STK33: variants seen among roughly 807,000 people sequenced by gnomAD.
STK33 encodes the protein serine/threonine kinase 33.
Under a neutral mutation model 58.0 loss-of-function variants are expected in STK33, and 52 were observed. The observed-to-expected ratio is 0.90, with a 90% confidence interval of 0.72 to 1.13. The LOEUF (loss-of-function observed/expected upper bound fraction) is 1.13. STK33 is among the 50% of genes most tolerant of loss of function. The pLI is 0.00. For missense variants in STK33, 630 were observed against 604.2 expected (o/e 1.04, Z -0.45); for synonymous variants, 215 against 200.1 (o/e 1.07, Z -0.63).
intron 2 of STK33, among the ~76,000 whole-genome samples, chr11:8,479,789 G>C (rs1226401996): frequency 6.6e-6 from 1 of 152,138 alleles, no homozygotes; most frequent in Non-Finnish European, 1.5e-5. Context: ...GTTGCAGTGA[G>C]CTGAGATCGC....
chr11:8,581,967 A>G (rs1190167439), intron 1 of STK33, among the ~76,000 whole-genome samples: 2 of 152,226 alleles, frequency 1.3e-5, no homozygotes, highest in Non-Finnish European at 2.9e-5. Flanking sequence ...GCACTCAACA[A>G]TCCAGTTATT....
chr11:8,362,982 C>G, the STK33 span, among the ~76,000 whole-genome samples: 41,136 of 151,284 alleles, frequency 0.27, 6,768 homozygotes, highest in East Asian at 0.45. Context: ...GACAGGGTCA[C>G]GCACTGCACA....
At chr11:8,465,042 C>A in intron 6 of STK33, 2 of 325,120 alleles carry the variant, frequency 6.2e-6, no homozygotes, top group South Asian at 8.4e-5. Context: ...TGGAGGAAAA[C>A]CATAAAAATC....
At chr11:8,432,280 T>C (rs1223569116) in intron 14 of STK33, among the ~76,000 whole-genome samples, 3 of 152,186 alleles carry the variant, frequency 2.0e-5, no homozygotes, top group Non-Finnish European at 4.4e-5. Flanking sequence ...CTTGGTGTTA[T>C]TTGTCACCAG....
intron 2 of STK33, among the ~76,000 whole-genome samples, chr11:8,478,750 A>G (rs994612262): frequency 2.0e-5 from 3 of 152,054 alleles, no homozygotes; most frequent in African/African-American, 7.3e-5. Context: ...TAAAGGGGAA[A>G]AAAAAAAAAA....
At chr11:8,445,274 T>C (rs1340404065) in intron 11 of STK33, among the ~76,000 whole-genome samples, 1 of 152,220 alleles carries the variant, frequency 6.6e-6, no homozygotes, top group Admixed American at 6.5e-5. Flanking sequence ...TTAAGGAGAT[T>C]TGGGACTGAG....
intron 1 of STK33, among the ~76,000 whole-genome samples, chr11:8,547,485 A>G (rs1956017370): frequency 6.6e-6 from 1 of 152,210 alleles, no homozygotes; most frequent in South Asian, 2.1e-4. Flanking sequence ...AAGTGATGGG[A>G]TTACAGGCGT....
chr11:8,555,442 T>C (rs1279916457), intron 1 of STK33, among the ~76,000 whole-genome samples: 9 of 152,092 alleles, frequency 5.9e-5, no homozygotes, highest in South Asian at 2.1e-4. Context: ...GGTGAGTGGA[T>C]TGCCTGAGCC....
intron 1 of STK33, among the ~76,000 whole-genome samples, chr11:8,566,779 TG>T (rs1957472512): frequency 6.6e-6 from 1 of 152,248 alleles, no homozygotes; most frequent in South Asian, 2.1e-4. Flanking sequence ...TATTGCCAAG[TG>T]ATAGACTGAC....
At chr11:8,564,187 A>G (rs561970005) in intron 1 of STK33, among the ~76,000 whole-genome samples, 1 of 152,364 alleles carries the variant, frequency 6.6e-6, no homozygotes, top group East Asian at 1.9e-4. Context: ...AAGAAGATGG[A>G]TGCTAACAGG....
At position 8,473,975 on chromosome 11, in the gene STK33, C is replaced by G. The variant is rs1052819013; in HGVS notation, c.226-699G>C. ...ATCACCTGAGGTCGGGAGTTCAAGA[C>G]CAGCCTGACCAACATGGAGAAACCC... is the stretch of plus-strand genomic sequence containing the variant. On this transcript the variant is annotated intron_variant, in intron 5 of 15. Transcript: ENST00000687296. Among the ~76,000 whole-genome samples, 3 of 152,086 alleles carry G rather than the reference C, an allele frequency of 2.0e-5. No homozygotes were observed. The East Asian group carries it at 5.8e-4, about 29-fold the overall frequency.
intron 1 of STK33, among the ~76,000 whole-genome samples, chr11:8,567,921 T>C (rs929575482): frequency 3.3e-5 from 5 of 152,266 alleles, no homozygotes; most frequent in African/African-American, 1.2e-4. Context: ...AAAACAATAT[T>C]CAACGGCTTC....
At chr11:8,533,760 T>C (rs546313187) in intron 1 of STK33, among the ~76,000 whole-genome samples, 1 of 152,354 alleles carries the variant, frequency 6.6e-6, no homozygotes, top group South Asian at 2.1e-4. Flanking sequence ...AAAGTTTTAT[T>C]TGTTACATGG....
At chr11:8,528,373 T>C (rs11824517) in intron 1 of STK33, among the ~76,000 whole-genome samples, 3 of 152,226 alleles carry the variant, frequency 2.0e-5, no homozygotes, top group Admixed American at 1.3e-4. Context: ...AAACAACTTA[T>C]GTTATTTTAA....
intron 1 of STK33, among the ~76,000 whole-genome samples, chr11:8,534,319 G>T (rs1038539048): frequency 6.6e-6 from 1 of 151,596 alleles, no homozygotes; most frequent in Admixed American, 6.6e-5. Context: ...TCTGAGGAAA[G>T]ATTCCAGTAC....
At chr11:8,425,414 T>A (rs1304072562) in intron 14 of STK33, among the ~76,000 whole-genome samples, 1 of 152,210 alleles carries the variant, frequency 6.6e-6, no homozygotes, top group Non-Finnish European at 1.5e-5. Context: ...TGAAGTCAGG[T>A]AGCGTGATGC....
chr11:8,426,233 A>G (rs1942729676), intron 14 of STK33, among the ~76,000 whole-genome samples: 1 of 152,224 alleles, frequency 6.6e-6, no homozygotes, highest in South Asian at 2.1e-4. Flanking sequence ...GGAGTCAGGC[A>G]GCTCAGCAGC....
intron 15 of STK33, among the ~76,000 whole-genome samples, chr11:8,411,273 G>A (rs572781322): frequency 6.6e-6 from 1 of 152,308 alleles, no homozygotes; most frequent in Non-Finnish European, 1.5e-5. Flanking sequence ...ACCAATGGTG[G>A]AAATAAACAA....
downstream of STK33, among the ~76,000 whole-genome samples, chr11:8,386,924 A>G (rs972630279): frequency 1.4e-4 from 22 of 152,292 alleles, no homozygotes; most frequent in Non-Finnish European, 2.5e-4. Flanking sequence ...CCTGGTAAGC[A>G]TCGATCTGTC....
Sources: gnomAD v4.1 joint callset for allele counts (sites outside exome capture counted in the v4.1 genomes callset) on GRCh38, gnomAD v4.1.1 for gene constraint, MANE v1.5 for transcripts, NCBI Gene and HGNC (gene_info 2026-07-23, HGNC 2026-07-21) for gene names.